Variants in BMPR1B observed in about 807,000 individuals in gnomAD.
BMPR1B encodes bone morphogenetic protein receptor type-1B.
Under a neutral mutation model 59.1 loss-of-function variants are expected in BMPR1B, and 12 were observed. The ratio of observed to expected loss-of-function variants is 0.20; its 90% confidence interval spans 0.13 to 0.33. The LOEUF is 0.33. Ranked by LOEUF, BMPR1B falls within the 10% of genes least tolerant of loss-of-function variation. BMPR1B has a pLI of 1.00. For missense variants in BMPR1B, 550 were observed against 610.9 expected, an observed-to-expected ratio of 0.90 and a Z score of 1.05; for synonymous variants, 237 against 207.3, an observed-to-expected ratio of 1.14 and a Z score of -1.23.
At chr4:94,996,786 G>A (rs1578899272) in intron 3 of BMPR1B, among the ~76,000 whole-genome samples, 1 of 152,046 alleles carries the variant, frequency 6.6e-6, no homozygotes, top group South Asian at 2.1e-4. Flanking sequence ...TAAAAACTGC[G>A]ACTCCCTACT....
intron 2 of BMPR1B, among the ~76,000 whole-genome samples, chr4:94,954,788 T>C (rs1730079855): frequency 6.6e-6 from 1 of 152,210 alleles, no homozygotes; most frequent in South Asian, 2.1e-4. Context: ...TGTTAATATT[T>C]ATAAAGCACT....
chr4:94,887,389 C>T (rs1171335275), intron 2 of BMPR1B, among the ~76,000 whole-genome samples: 1 of 139,160 alleles, frequency 7.2e-6, no homozygotes, highest in Non-Finnish European at 1.6e-5. Flanking sequence ...ACCACCTTCA[C>T]CCCCACCCCC....
chr4:95,120,506 A>G (rs2149285874), intron 6 of BMPR1B, among the ~76,000 whole-genome samples: 1 of 152,318 alleles, frequency 6.6e-6, no homozygotes, highest in East Asian at 1.9e-4. Flanking sequence ...GTATACTTAG[A>G]AAAACCTAAA....
intron 1 of BMPR1B, among the ~76,000 whole-genome samples, chr4:94,862,731 G>GGGTGGA (rs1726038753): frequency 1.3e-5 from 2 of 151,490 alleles, no homozygotes; most frequent in South Asian, 2.1e-4. Context: ...GGATCATGAG[G>GGGTGGA]TCAGGAGATC....
Position 95,102,404 on chromosome 4 carries a change from A to G in BMPR1B, c.-17-2004A>G, listed in dbSNP as rs533964732. ...TGCCTGGAAAATGGGAGGGCACCCA[A>G]TACATATTTGGTAGTAGACATTTGC... On this transcript the variant is annotated intron_variant, in intron 3 of 12. Coordinates refer to ENST00000515059, the MANE Select transcript of BMPR1B (RefSeq NM_001203.3). Among the ~76,000 whole-genome samples the G allele has an allele frequency of 3.9e-5, 6 of 152,334 alleles. No homozygotes were observed. In the South Asian group the frequency reaches 1.2e-3, roughly 32 times the overall value.
At chr4:94,837,940 C>T (rs1724889880) in intron 1 of BMPR1B, among the ~76,000 whole-genome samples, 1 of 128,062 alleles carries the variant, frequency 7.8e-6, no homozygotes, top group Non-Finnish European at 1.7e-5. Flanking sequence ...CCCATCAATA[C>T]CTAATTTGTT....
intron 2 of BMPR1B, among the ~76,000 whole-genome samples, chr4:94,954,898 G>A (rs1366331020): frequency 2.6e-5 from 4 of 152,004 alleles, no homozygotes; most frequent in Non-Finnish European, 2.9e-5. Context: ...TCTTTTACTG[G>A]TAATTCTTAC....
intron 8 of BMPR1B, among the ~76,000 whole-genome samples, chr4:95,127,044 CTGTGTGTGTG>C (rs6148578): frequency 6.8e-6 from 1 of 146,364 alleles, no homozygotes; most frequent in Non-Finnish European, 1.5e-5. Flanking sequence ...AGAATTAAGA[CTGTGTGTGTG>C]TGTGTGTGTG....
At chr4:95,104,823 TAAA>T (rs1279269118) in intron 4 of BMPR1B, among the ~76,000 whole-genome samples, 2 of 152,050 alleles carry the variant, frequency 1.3e-5, no homozygotes, top group Non-Finnish European at 2.9e-5. Context: ...AGGCTCCTGG[TAAA>T]GGTGCAAATG....
intron 1 of BMPR1B, among the ~76,000 whole-genome samples, chr4:94,862,991 G>A (rs1034909525): frequency 3.3e-5 from 5 of 150,404 alleles, no homozygotes; most frequent in South Asian, 2.1e-4. Context: ...GGTGGTGGGC[G>A]CCTGTAATCC....
chr4:95,061,469 G>C (rs1727388973), intron 3 of BMPR1B, among the ~76,000 whole-genome samples: 1 of 152,108 alleles, frequency 6.6e-6, no homozygotes, highest in Non-Finnish European at 1.5e-5. Context: ...GATGGAGCTG[G>C]AGGTTTCCTT....
At chr4:95,024,304 A>G (rs1198349030) in intron 3 of BMPR1B, among the ~76,000 whole-genome samples, 1 of 152,150 alleles carries the variant, frequency 6.6e-6, no homozygotes, top group African/African-American at 2.4e-5. Flanking sequence ...TTGACAATTG[A>G]AGTTATTTCA....
At chr4:94,838,734 A>G (rs1371086572) in intron 1 of BMPR1B, among the ~76,000 whole-genome samples, 2 of 133,046 alleles carry the variant, frequency 1.5e-5, no homozygotes, top group African/African-American at 5.7e-5. Flanking sequence ...TAATTTTTTG[A>G]AGGGTTTTTT....
chr4:94,951,869 TGTGAATTCGTCTG>T (rs151251437), intron 2 of BMPR1B, among the ~76,000 whole-genome samples: 4,423 of 152,304 alleles, frequency 0.029, 201 homozygotes, highest in African/African-American at 0.1. Flanking sequence ...AGAATTTGGC[TGTGAATTCGTCTG>T]GTCCTGGGCT....
intron 1 of BMPR1B, among the ~76,000 whole-genome samples, chr4:94,762,062 A>T (rs1477019062): frequency 3.3e-5 from 5 of 152,236 alleles, no homozygotes; most frequent in Non-Finnish European, 5.9e-5. Context: ...TTTAAAGCCC[A>T]TCACAGTGGT....
chr4:94,981,941 C>A (rs1021293939), intron 2 of BMPR1B, among the ~76,000 whole-genome samples: 1 of 152,116 alleles, frequency 6.6e-6, no homozygotes, highest in African/African-American at 2.4e-5. Flanking sequence ...AGCAGATAGG[C>A]TTAAGAACAC....
At chr4:94,874,949 C>T (rs1038885916) in intron 1 of BMPR1B, among the ~76,000 whole-genome samples, 8 of 152,046 alleles carry the variant, frequency 5.3e-5, no homozygotes, top group East Asian at 1.9e-4. Flanking sequence ...GCCGAGATCG[C>T]GCCACTGTAG....
At chr4:94,897,941 CTTTTTTTT>C (rs869186341) in intron 2 of BMPR1B, among the ~76,000 whole-genome samples, 1 of 90,328 alleles carries the variant, frequency 1.1e-5, no homozygotes, top group Non-Finnish European at 2.2e-5. Context: ...AATTCTTTTC[CTTTTTTTT>C]TTTTTTTTTT....
In BMPR1B at chr4:95,123,931, A is replaced by C. The variant is rs1261581802; in HGVS notation, c.446+25A>C. ...GGTAAGTTTCTAACATGTAGATGCA[A>C]AATTTTTAATTTATAGTGTCTTCTT... On this transcript the variant is annotated intron_variant, in intron 7 of 12. Transcript: ENST00000515059. The C allele has an allele frequency of 2.6e-6, 4 of 1,521,184 alleles. No individual in the cohort carries two copies. In the African/African-American group the frequency reaches 5.5e-5, roughly 21 times the overall value. 94.2% of individuals were successfully genotyped at this position (1,521,184 alleles called of 1,614,324 possible). A position where few individuals can be genotyped will look rare whatever the true frequency, so the allele number is the denominator to read the frequency against.
Sources: gnomAD v4.1 joint callset for allele counts (sites outside exome capture counted in the v4.1 genomes callset) on GRCh38, gnomAD v4.1.1 for gene constraint, MANE v1.5 for transcripts, NCBI Gene and HGNC (gene_info 2026-07-23, HGNC 2026-07-21) for gene names.